PDZRN3: variants seen among roughly 807,000 people sequenced by gnomAD.
The protein encoded by PDZRN3 is PDZ domain containing ring finger 3, also known as E3 ubiquitin-protein ligase PDZRN3.
Under a neutral mutation model 85.7 loss-of-function variants are expected in PDZRN3, and 38 were observed. The observed-to-expected ratio is 0.44, with a 90% CI of 0.34 to 0.58. The LOEUF (loss-of-function observed/expected upper bound fraction) is 0.58. Among genes scored for constraint, PDZRN3 ranks in the 20% least tolerant of loss-of-function variants. PDZRN3 has a pLI of 0.01. For missense variants in PDZRN3, 1,629 were observed against 1,506.4 expected, an observed-to-expected ratio of 1.08 and a Z score of -1.35; for synonymous variants, 759 against 638.0, an observed-to-expected ratio of 1.19 and a Z score of -2.86.
At chr3:73,575,374 AAACT>A (rs1474140394) in intron 3 of PDZRN3, among the ~76,000 whole-genome samples, 1 of 152,140 alleles carries the variant, frequency 6.6e-6, no homozygotes, top group Non-Finnish European at 1.5e-5. Flanking sequence ...TCTCCTTTCC[AAACT>A]AACATGTGCC....
chr3:73,398,299 G>A (rs1701680901), intron 5 of PDZRN3, among the ~76,000 whole-genome samples: 1 of 152,172 alleles, frequency 6.6e-6, no homozygotes, highest in South Asian at 2.1e-4. Flanking sequence ...TCTCGACACT[G>A]CAGTGAATGA....
At chr3:73,458,508 T>C (rs1275430251) in intron 3 of PDZRN3, among the ~76,000 whole-genome samples, 1 of 149,922 alleles carries the variant, frequency 6.7e-6, no homozygotes, top group Admixed American at 6.7e-5. Flanking sequence ...TTTATGCTTA[T>C]TTGAAGTTTT....
At chr3:73,424,247 G>A (rs1388853726) in intron 3 of PDZRN3, among the ~76,000 whole-genome samples, 2 of 151,750 alleles carry the variant, frequency 1.3e-5, no homozygotes, top group East Asian at 1.9e-4. Context: ...TAAAGAATAT[G>A]CAGGCCAGGC....
Position 73,624,918 on chromosome 3 carries a change from G to T in PDZRN3, c.-93C>A. On this transcript the variant is annotated 5_prime_UTR_variant, in exon 1 of 10. Coordinates refer to ENST00000263666, the MANE Select transcript of PDZRN3 (RefSeq NM_015009.3). ...CAGACAGGCCGGCTACGCCGCCCGC[G>T]CGCTCGCTGGCTCTCCCCGGACTGA... 1 of 975,374 alleles carries T rather than the reference G, an allele frequency of 1.0e-6. No homozygotes were observed. The highest frequency in any genetic ancestry group is 4.4e-5 in the South Asian group (1 of 22,978). 60.4% of individuals were successfully genotyped at this position (975,374 alleles called of 1,614,324 possible). A position where few individuals can be genotyped will look rare whatever the true frequency, so the allele number is the denominator to read the frequency against.
intron 3 of PDZRN3, among the ~76,000 whole-genome samples, chr3:73,531,914 C>T (rs1036186077): frequency 2.6e-5 from 4 of 152,222 alleles, no homozygotes; most frequent in African/African-American, 9.6e-5. Flanking sequence ...CCTGTGGGGA[C>T]TCAGGGAGAG....
rs538878674 is a variant in PDZRN3, at chr3:73,451,910, G to T, written c.919-47515C>A. Reference sequence around the variant, plus strand: ...AGATTTAAAGATGACTGTGCTCAGGGTGTTTACTGGGAAGTCAGTTCTCCT... The same window carrying T: ...AGATTTAAAGATGACTGTGCTCAGGTTGTTTACTGGGAAGTCAGTTCTCCT... On this transcript the variant is annotated intron_variant, in intron 3 of 9. Transcript: ENST00000263666. 5.9e-5 allele frequency among the ~76,000 whole-genome samples: 9 copies of T among 152,222 alleles called. No homozygotes were observed. The South Asian group carries it at 1.9e-3, about 32-fold the overall frequency.
chr3:73,603,746 A>G (rs765101368), intron 2 of PDZRN3, among the ~76,000 whole-genome samples: 17 of 152,164 alleles, frequency 1.1e-4, no homozygotes, highest in Non-Finnish European at 2.1e-4. Flanking sequence ...CCTATATTCT[A>G]AAGGGGGAAG....
chr3:73,401,998 T>A (rs1701758234), intron 4 of PDZRN3: 1 of 152,260 alleles, frequency 6.6e-6, no homozygotes, highest in African/African-American at 2.4e-5. Context: ...CAGGCAAATA[T>A]ACTGCCTGCA....
intron 3 of PDZRN3, among the ~76,000 whole-genome samples, chr3:73,411,008 T>C (rs1701956195): frequency 6.6e-6 from 1 of 152,218 alleles, no homozygotes; most frequent in Non-Finnish European, 1.5e-5. Flanking sequence ...TACAGCCAAA[T>C]CTCCCTATCT....
intron 3 of PDZRN3, among the ~76,000 whole-genome samples, chr3:73,440,827 C>T (rs1441543482): frequency 6.6e-6 from 1 of 152,186 alleles, no homozygotes; most frequent in Non-Finnish European, 1.5e-5. Flanking sequence ...GTGGGAAATT[C>T]ACAGCCTCTT....
At chr3:73,591,057 T>G (rs1412927369) in intron 3 of PDZRN3, among the ~76,000 whole-genome samples, 1 of 152,226 alleles carries the variant, frequency 6.6e-6, no homozygotes, top group African/African-American at 2.4e-5. Context: ...TAAGGGTTTC[T>G]ATATTCATCT....
At chr3:73,515,170 GC>G (rs1467261615) in intron 3 of PDZRN3, among the ~76,000 whole-genome samples, 6 of 117,738 alleles carry the variant, frequency 5.1e-5, no homozygotes, top group South Asian at 5.9e-4. Flanking sequence ...CCAACAATCA[GC>G]CCTTTTTTTT....
intron 3 of PDZRN3, among the ~76,000 whole-genome samples, chr3:73,486,533 G>T (rs188105244): frequency 6.6e-6 from 1 of 152,182 alleles, no homozygotes; most frequent in Non-Finnish European, 1.5e-5. Flanking sequence ...GTAATGAAAA[G>T]GTTAAGAAAT....
intron 3 of PDZRN3, among the ~76,000 whole-genome samples, chr3:73,426,190 T>C (rs1702311835): frequency 6.6e-6 from 1 of 152,116 alleles, no homozygotes; most frequent in African/African-American, 2.4e-5. Flanking sequence ...TATGTATACA[T>C]TATGTATATA....
Position 73,624,096 on chromosome 3 carries a change from C to A in PDZRN3, c.723+7G>T. On this transcript the variant is annotated splice_region_variant and intron_variant, in intron 1 of 9. Transcript: ENST00000263666. ...GCTGGAGGTCGGGGCGGGCAGCAGGCGCCTACCTTGCCGCCGGGCGGCGCG... is the reference window on the plus strand; with the variant it reads ...GCTGGAGGTCGGGGCGGGCAGCAGGAGCCTACCTTGCCGCCGGGCGGCGCG... 2 of 1,443,416 alleles carry A rather than the reference C, an allele frequency of 1.4e-6. No individual in the cohort carries two copies. The highest frequency in any genetic ancestry group is 1.4e-5 in the South Asian group (1 of 71,446). The allele number at this position is 1,443,416 out of a possible 1,614,324, so 89.4% of individuals were successfully genotyped here.
intron 3 of PDZRN3, among the ~76,000 whole-genome samples, chr3:73,568,807 T>G (rs141332410): frequency 1.3e-5 from 2 of 152,320 alleles, no homozygotes; most frequent in African/African-American, 4.8e-5. Flanking sequence ...AGGAGGAAAG[T>G]CAAATCCTGG....
At chr3:73,516,435 A>G (rs1001400869) in intron 3 of PDZRN3, among the ~76,000 whole-genome samples, 1 of 152,182 alleles carries the variant, frequency 6.6e-6, no homozygotes, top group Non-Finnish European at 1.5e-5. Context: ...TATTTTCTTA[A>G]TTATGAATGA....
At chr3:73,475,971 C>T (rs1703440731) in intron 3 of PDZRN3, among the ~76,000 whole-genome samples, 1 of 152,168 alleles carries the variant, frequency 6.6e-6, no homozygotes, top group Admixed American at 6.5e-5. Context: ...CTTTTGGTGG[C>T]AAATCCTTAA....
chr3:73,411,221 C>A (rs1701960206), intron 3 of PDZRN3, among the ~76,000 whole-genome samples: 1 of 152,152 alleles, frequency 6.6e-6, no homozygotes. Context: ...GCAAAATAAC[C>A]AAGTGGCTCT....
Sources: allele counts gnomAD v4.1 joint callset (sites outside exome capture counted in the v4.1 genomes callset), GRCh38; gene constraint gnomAD v4.1.1; transcripts MANE v1.5; gene names NCBI Gene and HGNC (gene_info 2026-07-23, HGNC 2026-07-21).